Variants in GALNTL6 observed in about 807,000 individuals in gnomAD.
GALNTL6 encodes polypeptide N-acetylgalactosaminyltransferase-like 6.
In GALNTL6, 46 loss-of-function variants were observed where a neutral mutation model predicts 73.7. The observed-to-expected ratio is 0.62, with a 90% CI of 0.49 to 0.80. The LOEUF is 0.80. Among genes scored for constraint, GALNTL6 ranks in the 30% least tolerant of loss-of-function variants. The pLI is 0.00. For missense variants in GALNTL6, 604 were observed against 755.0 expected (o/e 0.80, Z 2.34); for synonymous variants, 259 against 263.7 (o/e 0.98, Z 0.17).
intron 5 of GALNTL6, among the ~76,000 whole-genome samples, chr4:172,694,132 T>A (rs943584302): frequency 2.6e-5 from 4 of 152,164 alleles, no homozygotes; most frequent in African/African-American, 9.7e-5. Context: ...TTCTTTTTTT[T>A]TTTTTCTTTT....
At chr4:172,156,625 G>T (rs1038416442) in intron 2 of GALNTL6, among the ~76,000 whole-genome samples, 5 of 144,162 alleles carry the variant, frequency 3.5e-5, no homozygotes, top group South Asian at 2.1e-4. Flanking sequence ...ACTCCACTCT[G>T]TAGTTTATTA....
intron 2 of GALNTL6, among the ~76,000 whole-genome samples, chr4:171,936,724 T>C (rs1018954998): frequency 1.4e-4 from 22 of 152,292 alleles, no homozygotes; most frequent in African/African-American, 4.3e-4. Context: ...AATGGACATA[T>C]ATCATAGCAA....
intron 2 of GALNTL6, among the ~76,000 whole-genome samples, chr4:171,899,921 C>T (rs574112237): frequency 5.3e-5 from 8 of 152,222 alleles, no homozygotes; most frequent in Non-Finnish European, 7.4e-5. Flanking sequence ...CCCTACTTCC[C>T]TCTATGTGTC....
intron 5 of GALNTL6, among the ~76,000 whole-genome samples, chr4:172,676,098 A>AG (rs1018453103): frequency 6.6e-6 from 1 of 152,224 alleles, no homozygotes; most frequent in African/African-American, 2.4e-5. Context: ...TTAACCCAAG[A>AG]GGCTCATTTT....
At chr4:172,480,880 C>T (rs1186463550) in intron 5 of GALNTL6, among the ~76,000 whole-genome samples, 1 of 152,100 alleles carries the variant, frequency 6.6e-6, no homozygotes, top group Non-Finnish European at 1.5e-5. Context: ...CTAGACTAGC[C>T]TAGGAAGGGG....
intron 5 of GALNTL6, among the ~76,000 whole-genome samples, chr4:172,614,732 G>A (rs756375853): frequency 6.6e-6 from 1 of 152,118 alleles, no homozygotes; most frequent in Non-Finnish European, 1.5e-5. Context: ...TGACCAGATT[G>A]GCTGTTATTC....
intron 5 of GALNTL6, among the ~76,000 whole-genome samples, chr4:172,386,426 CTT>C (rs1319780647): frequency 2.0e-5 from 3 of 152,182 alleles, no homozygotes; most frequent in South Asian, 2.1e-4. Flanking sequence ...CAAGCTCTCT[CTT>C]GTCTCTTCAT....
At chr4:172,882,659 GAA>G (rs1381000308) in intron 7 of GALNTL6, 129 bp from the exon 8 acceptor site, 2 of 674,130 alleles carry the variant, frequency 3.0e-6, no homozygotes, top group East Asian at 5.4e-5. Flanking sequence ...TCCACTTACA[GAA>G]AACCAGTGCT....
chr4:172,750,568 T>C lies in GALNTL6; in HGVS notation c.554-58793T>C, dbSNP rs1178124827. Reference sequence around the variant, plus strand: ...CTAGGAAAATGCTCTCATGTCAGGATGGCTTTATTCTGTCATTTCCTTCAC... The same window carrying C: ...CTAGGAAAATGCTCTCATGTCAGGACGGCTTTATTCTGTCATTTCCTTCAC... On this transcript the variant is annotated intron_variant, in intron 5 of 12. Coordinates refer to ENST00000506823, the MANE Select transcript of GALNTL6 (RefSeq NM_001034845.3). 2.0e-5 allele frequency among the ~76,000 whole-genome samples: 3 copies of C among 152,222 alleles called. No homozygotes were observed. In the East Asian group the frequency reaches 5.8e-4, roughly 29 times the overall value.
At chr4:171,910,158 A>T (rs1028226808) in intron 2 of GALNTL6, among the ~76,000 whole-genome samples, 17 of 152,136 alleles carry the variant, frequency 1.1e-4, no homozygotes, top group African/African-American at 4.1e-4. Flanking sequence ...CCAACCAAAA[A>T]CAAAACAGAG....
intron 5 of GALNTL6, among the ~76,000 whole-genome samples, chr4:172,769,284 T>C (rs1738622083): frequency 6.6e-6 from 1 of 152,066 alleles, no homozygotes; most frequent in East Asian, 1.9e-4. Flanking sequence ...AAAAAAGATA[T>C]TTTAAAGATA....
At chr4:173,007,003 C>T (rs1396150165) in intron 10 of GALNTL6, among the ~76,000 whole-genome samples, 1 of 152,176 alleles carries the variant, frequency 6.6e-6, no homozygotes, top group Non-Finnish European at 1.5e-5. Flanking sequence ...ATGAAGCCAA[C>T]CTGTTGCCTA....
chr4:171,989,045 C>G (rs1013192783), intron 2 of GALNTL6, among the ~76,000 whole-genome samples: 9 of 151,952 alleles, frequency 5.9e-5, no homozygotes, highest in African/African-American at 2.4e-5. Flanking sequence ...AAAAGGAGTG[C>G]TTAAAAGAGT....
At chr4:172,339,258 C>A (rs1240008097) in intron 4 of GALNTL6, among the ~76,000 whole-genome samples, 4 of 678 alleles carry the variant, frequency 5.9e-3, no homozygotes, top group East Asian at 0.059. Context: ...ACACACACAC[C>A]ACACACACAC....
intron 2 of GALNTL6, among the ~76,000 whole-genome samples, chr4:171,961,039 G>A (rs1739205459): frequency 6.6e-6 from 1 of 152,044 alleles, no homozygotes; most frequent in Non-Finnish European, 1.5e-5. Context: ...CCACTCTTGA[G>A]GTCTGGGTTG....
At chr4:172,413,433 C>A (rs540616651) in intron 5 of GALNTL6, among the ~76,000 whole-genome samples, 1 of 152,118 alleles carries the variant, frequency 6.6e-6, no homozygotes, top group Non-Finnish European at 1.5e-5. Context: ...TACTTGAAAG[C>A]AATTGTTCAT....
chr4:172,756,783 A>G (rs1737780475), intron 5 of GALNTL6, among the ~76,000 whole-genome samples: 1 of 152,216 alleles, frequency 6.6e-6, no homozygotes, highest in South Asian at 2.1e-4. Flanking sequence ...TCCTCTAGGA[A>G]CTAAAATATA....
At chr4:172,610,575 T>G (rs1481224261) in intron 5 of GALNTL6, among the ~76,000 whole-genome samples, 1 of 152,050 alleles carries the variant, frequency 6.6e-6, no homozygotes, top group African/African-American at 2.4e-5. Flanking sequence ...GATTTTGATT[T>G]TATTGAACTG....
chr4:172,315,969 G>A (rs1164217770), intron 4 of GALNTL6, among the ~76,000 whole-genome samples: 1 of 152,034 alleles, frequency 6.6e-6, no homozygotes, highest in Non-Finnish European at 1.5e-5. Context: ...TAGGGAAATA[G>A]AAAACTATGT....
Sources: allele counts gnomAD v4.1 joint callset (sites outside exome capture counted in the v4.1 genomes callset), GRCh38; gene constraint gnomAD v4.1.1; transcripts MANE v1.5; gene names NCBI Gene and HGNC (gene_info 2026-07-23, HGNC 2026-07-21).